The following SYNDIG1 variants were observed in gnomAD, a reference collection of about 807,000 sequenced individuals.
SYNDIG1 encodes synapse differentiation inducing 1.
A neutral mutation model predicts 19.4 loss-of-function variants in SYNDIG1; 9 were observed. The observed-to-expected ratio is 0.46, with a 90% CI of 0.28 to 0.81. The LOEUF is 0.81. SYNDIG1 is among the 30% of genes least tolerant of loss of function. The probability of loss-of-function intolerance (pLI) is 0.12; values close to 1 mark genes in which losing one functional copy is unlikely to be tolerated. For synonymous variants in SYNDIG1, 141 were observed against 145.9 expected (o/e 0.97, Z 0.24); for missense variants, 311 against 343.3 (o/e 0.91, Z 0.74).
chr20:24,587,401 C>G (rs932438438), intron 3 of SYNDIG1, among the ~76,000 whole-genome samples: 5 of 152,204 alleles, frequency 3.3e-5, no homozygotes, highest in African/African-American at 1.2e-4. Context: ...GGCAGCTCCC[C>G]TCAGTCTGCA....
At chr20:24,542,752 G>A (rs1211526704) in intron 1 of SYNDIG1, among the ~76,000 whole-genome samples, 1 of 152,234 alleles carries the variant, frequency 6.6e-6, no homozygotes, top group African/African-American at 2.4e-5. Flanking sequence ...CCTCTAGGCT[G>A]CAAGGGAGCC....
At chr20:24,516,058 T>C (rs1287826621) in intron 1 of SYNDIG1, among the ~76,000 whole-genome samples, 2 of 152,172 alleles carry the variant, frequency 1.3e-5, no homozygotes, top group Non-Finnish European at 2.9e-5. Flanking sequence ...ATCTGATCTT[T>C]GACAAACCTG....
rs1227667854 is a variant in SYNDIG1, at chr20:24,658,422, A to G, written c.619-6924A>G. On this transcript the variant is annotated intron_variant, in intron 3 of 3. Transcript: ENST00000376862. The surrounding 1 kb of genome is among the most constrained non-coding windows in gnomAD (Gnocchi z 4.4). ...TGCTCCTCCCCGTGACAGATTCCAC[A>G]CAGGAGCTGCAGGCCGTGGACCCCT... is the stretch of plus-strand genomic sequence containing the variant. Among the ~76,000 whole-genome samples the G allele has an allele frequency of 3.9e-5, 6 of 151,998 alleles. No homozygotes were observed. The highest frequency in any genetic ancestry group is 7.4e-5 in the Non-Finnish European group (5 of 67,962).
At chr20:24,545,618 A>G (rs561909483) in intron 2 of SYNDIG1, among the ~76,000 whole-genome samples, 1 of 152,136 alleles carries the variant, frequency 6.6e-6, no homozygotes, top group East Asian at 1.9e-4. Flanking sequence ...GAGGATGAGT[A>G]AGAGGAGGCT....
chr20:24,664,605 G>A (rs1022755586), intron 3 of SYNDIG1, among the ~76,000 whole-genome samples: 6 of 152,200 alleles, frequency 3.9e-5, no homozygotes, highest in Middle Eastern at 3.4e-3. Context: ...CCATCTCCTC[G>A]TGACCCCAAG....
intron 2 of SYNDIG1, among the ~76,000 whole-genome samples, chr20:24,549,053 C>A (rs1046841679): frequency 2.0e-5 from 3 of 152,046 alleles, no homozygotes; most frequent in African/African-American, 7.2e-5. Flanking sequence ...AAACTTTGAT[C>A]ATTGCTTTGT....
intron 3 of SYNDIG1, among the ~76,000 whole-genome samples, chr20:24,590,322 A>G (rs1391772177): frequency 6.6e-6 from 1 of 150,720 alleles, no homozygotes; most frequent in Non-Finnish European, 1.5e-5. Flanking sequence ...GAATGGGGGT[A>G]GGGGTAACTA....
intron 2 of SYNDIG1, among the ~76,000 whole-genome samples, chr20:24,567,200 C>G (rs1247199441): frequency 6.6e-6 from 1 of 152,162 alleles, no homozygotes; most frequent in Non-Finnish European, 1.5e-5. Flanking sequence ...GAAACAGGGA[C>G]TCTCCAGAAG....
intron 3 of SYNDIG1, among the ~76,000 whole-genome samples, chr20:24,614,037 C>G (rs2058889989): frequency 6.6e-6 from 1 of 152,172 alleles, no homozygotes; most frequent in African/African-American, 2.4e-5. Context: ...CTCTGTTGCC[C>G]AGGTTGGAGT....
intron 2 of SYNDIG1, among the ~76,000 whole-genome samples, chr20:24,573,922 C>T (rs2058184837): frequency 6.6e-6 from 1 of 152,166 alleles, no homozygotes; most frequent in Non-Finnish European, 1.5e-5. Context: ...CTGAGACACC[C>T]CTGGGCCTGA....
intron 2 of SYNDIG1, among the ~76,000 whole-genome samples, chr20:24,568,249 T>C (rs1459991607): frequency 6.6e-6 from 1 of 152,202 alleles, no homozygotes; most frequent in Non-Finnish European, 1.5e-5. Context: ...GTGCTTTCTT[T>C]TTGTTTCAGG....
intron 3 of SYNDIG1, among the ~76,000 whole-genome samples, chr20:24,656,744 C>T (rs1460672100): frequency 1.3e-5 from 2 of 152,260 alleles, no homozygotes; most frequent in Non-Finnish European, 2.9e-5. Flanking sequence ...GCCCCGCAGC[C>T]CCCTCCCTCT....
intron 1 of SYNDIG1, among the ~76,000 whole-genome samples, chr20:24,511,215 T>C (rs1303796130): frequency 1.3e-5 from 2 of 152,250 alleles, no homozygotes; most frequent in Non-Finnish European, 2.9e-5. Flanking sequence ...CCTTTCTCCA[T>C]GACACTTTAA....
chr20:24,492,327 TAGG>T (rs1320433705), intron 1 of SYNDIG1, among the ~76,000 whole-genome samples: 8 of 152,140 alleles, frequency 5.3e-5, no homozygotes, highest in Admixed American at 3.9e-4. Context: ...AAGGGGTGGC[TAGG>T]AGATGAGGAG....
Position 24,592,887 on chromosome 20 carries a change from AC to A in SYNDIG1, c.618+7895del, listed in dbSNP as rs1407215129. On this transcript the variant is annotated intron_variant, in intron 3 of 3. Transcript: ENST00000376862. ...TTCAGCCTTCCAAAGTGCTGGGATTACAGGTGTGAGCCACCCCTGTATGGCC... is the reference window on the plus strand; with the variant it reads ...TTCAGCCTTCCAAAGTGCTGGGATTAAGGTGTGAGCCACCCCTGTATGGCC... Among the ~76,000 whole-genome samples, 5 of 152,184 alleles carry A rather than the reference AC, an allele frequency of 3.3e-5. No individual in the cohort carries two copies. In the East Asian group the frequency reaches 5.8e-4, roughly 18 times the overall value.
intron 3 of SYNDIG1, among the ~76,000 whole-genome samples, chr20:24,641,550 A>G (rs1248257861): frequency 6.6e-6 from 1 of 152,152 alleles, no homozygotes; most frequent in Non-Finnish European, 1.5e-5. Context: ...TCAGTGTGTT[A>G]TTGTTGTTAG....
At chr20:24,631,686 A>T (rs2059246276) in intron 3 of SYNDIG1, among the ~76,000 whole-genome samples, 2 of 152,238 alleles carry the variant, frequency 1.3e-5, no homozygotes, top group African/African-American at 2.4e-5. Context: ...AAACAAACAT[A>T]TCGGAAAAAT....
At chr20:24,627,845 G>A (rs1265618306) in intron 3 of SYNDIG1, among the ~76,000 whole-genome samples, 1 of 152,256 alleles carries the variant, frequency 6.6e-6, no homozygotes, top group African/African-American at 2.4e-5. Context: ...CTGCCCTGGG[G>A]CAGGGCCGCC....
intron 2 of SYNDIG1, among the ~76,000 whole-genome samples, chr20:24,580,737 A>G (rs900524377): frequency 3.3e-5 from 5 of 152,280 alleles, no homozygotes; most frequent in Middle Eastern, 3.4e-3. Flanking sequence ...TTTCAATCAA[A>G]GTTGACAAAT....
Sources: allele counts gnomAD v4.1 joint callset (sites outside exome capture counted in the v4.1 genomes callset), GRCh38; gene constraint gnomAD v4.1.1; non-coding constraint Gnocchi (gnomAD v3.1); transcripts MANE v1.5; gene names NCBI Gene and HGNC (gene_info 2026-07-23, HGNC 2026-07-21).